The following LNX1 variants were observed in gnomAD, a reference collection of about 807,000 sequenced individuals.
The protein encoded by LNX1 is E3 ubiquitin-protein ligase LNX.
Under a neutral mutation model 68.4 loss-of-function variants are expected in LNX1, and 54 were observed. The observed-to-expected ratio is 0.79, with a 90% CI of 0.63 to 0.99. The LOEUF is 0.99. LNX1 is among the 50% of genes least tolerant of loss of function. The pLI is 0.00. For synonymous variants in LNX1, 336 were observed against 350.0 expected (o/e 0.96, Z 0.45); for missense variants, 906 against 926.4 (o/e 0.98, Z 0.29).
chr4:53,494,823 A>G (rs1281247277), intron 6 of LNX1, among the ~76,000 whole-genome samples: 1 of 152,234 alleles, frequency 6.6e-6, no homozygotes, highest in African/African-American at 2.4e-5. Flanking sequence ...TTCTTCCAAG[A>G]ATAAAGCTCA....
intron 2 of LNX1, among the ~76,000 whole-genome samples, chr4:53,569,548 A>T (rs1214048473): frequency 7.0e-6 from 1 of 141,952 alleles, no homozygotes; most frequent in African/African-American, 2.6e-5. Flanking sequence ...TAGACCTAAA[A>T]CCATAAAAAC....
chr4:53,611,500 T>C (rs1284628668), intron 2 of LNX1, among the ~76,000 whole-genome samples: 1 of 152,150 alleles, frequency 6.6e-6, no homozygotes, highest in Non-Finnish European at 1.5e-5. Context: ...TCTTAAAGTT[T>C]CTAGAGAAAA....
chr4:53,482,923 T>C (rs916573466), intron 6 of LNX1, among the ~76,000 whole-genome samples: 1 of 152,200 alleles, frequency 6.6e-6, no homozygotes, highest in African/African-American at 2.4e-5. Flanking sequence ...GAACTACCAG[T>C]TACTCTGCTA....
At chr4:53,633,294 T>C (rs1427914701) in intron 1 of LNX1, among the ~76,000 whole-genome samples, 4 of 152,152 alleles carry the variant, frequency 2.6e-5, no homozygotes, top group Non-Finnish European at 4.4e-5. Flanking sequence ...ACCACCCCCA[T>C]CCACGCATGG....
intron 4 of LNX1, 33 bp from the exon 5 acceptor site, chr4:53,498,876 C>T (rs1362455754): frequency 6.6e-7 from 1 of 1,518,890 alleles, no homozygotes; most frequent in Non-Finnish European, 9.1e-7. Context: ...ATTTAAGACA[C>T]CCACCCAATG....
chr4:53,468,121 C>G (rs1010326383), intron 9 of LNX1, among the ~76,000 whole-genome samples: 1 of 152,124 alleles, frequency 6.6e-6, no homozygotes, highest in Non-Finnish European at 1.5e-5. Flanking sequence ...AAGGGAAGCC[C>G]ATCAGACTAA....
At chr4:53,568,615 C>G (rs1472315034) in intron 2 of LNX1, among the ~76,000 whole-genome samples, 2 of 53,506 alleles carry the variant, frequency 3.7e-5, no homozygotes, top group African/African-American at 1.4e-4. Context: ...ACAGGGATGC[C>G]CTCTCTCACC....
chr4:53,508,940 T>TAA (rs5858217), intron 2 of LNX1, among the ~76,000 whole-genome samples: 147 of 151,302 alleles, frequency 9.7e-4, no homozygotes, highest in Middle Eastern at 3.4e-3. Flanking sequence ...ATCCATGCTA[T>TAA]AAAAAAAAAT....
upstream of LNX1, chr4:53,591,545 C>T: frequency 2.0e-6 from 2 of 985,466 alleles, no homozygotes; most frequent in African/African-American, 1.7e-5. Flanking sequence ...ATTGGTCGCT[C>T]CAGACCAGGA....
chr4:53,612,711 T>TA (rs1409652008), intron 2 of LNX1, among the ~76,000 whole-genome samples: 1 of 151,456 alleles, frequency 6.6e-6, no homozygotes, highest in Non-Finnish European at 1.5e-5. Context: ...TTGTATTTTT[T>TA]TTTTTTGTAG....
At chr4:53,630,092 G>A (rs1734213590) in intron 1 of LNX1, among the ~76,000 whole-genome samples, 3 of 151,840 alleles carry the variant, frequency 2.0e-5, no homozygotes, top group South Asian at 2.1e-4. Flanking sequence ...TTAAAAAAAG[G>A]TGGGGGGGGC....
upstream of LNX1, among the ~76,000 whole-genome samples, chr4:53,595,660 C>T (rs1225970456): frequency 7.2e-5 from 11 of 152,132 alleles, no homozygotes; most frequent in Admixed American, 3.9e-4. Flanking sequence ...GTTAACCAGC[C>T]GGCTCACTTG....
chr4:53,573,885 T>G lies in LNX1; in HGVS notation c.118A>C (p.Ile40Leu), dbSNP rs373232050. ...SYPEEVDDDL[I>L]CHICLQALLD... ...AAAGCCTGCAGGCAGATGTGGCAGATGAGGTCATCATCCACTTCCTCTGGA... is the reference window on the plus strand; with the variant it reads ...AAAGCCTGCAGGCAGATGTGGCAGAGGAGGTCATCATCCACTTCCTCTGGA... Residue 40 changes from isoleucine (I) to leucine (L), a missense_variant, in exon 2 of 11, where the codon ATC becomes CTC. Physicochemically the swap from Ile to Leu is conservative, Grantham distance 5. Transcript: ENST00000263925. The G allele has an allele frequency of 2.5e-6, 4 of 1,613,826 alleles. No homozygotes were observed. The South Asian group carries it at 4.4e-5, about 18-fold the overall frequency.
At chr4:53,600,468 C>T (rs1309946350) in intron 2 of LNX1, among the ~76,000 whole-genome samples, 1 of 152,030 alleles carries the variant, frequency 6.6e-6, no homozygotes, top group East Asian at 1.9e-4. Context: ...AGGGCAGGCC[C>T]TCAAAAACAC....
At chr4:53,649,446 C>A (rs1735011574) in intron 1 of LNX1, among the ~76,000 whole-genome samples, 1 of 152,228 alleles carries the variant, frequency 6.6e-6, no homozygotes, top group Admixed American at 6.5e-5. Flanking sequence ...TCTTAGGTCA[C>A]AGAACCAGGA....
At chr4:53,647,646 T>G (rs1327752688) in intron 1 of LNX1, among the ~76,000 whole-genome samples, 2 of 152,246 alleles carry the variant, frequency 1.3e-5, no homozygotes, top group Admixed American at 1.3e-4. Flanking sequence ...TCTTAACAAT[T>G]TTTAAGAGTA....
At chr4:53,564,769 G>A (rs934174219) in intron 2 of LNX1, among the ~76,000 whole-genome samples, 42 of 152,194 alleles carry the variant, frequency 2.8e-4, no homozygotes, top group Non-Finnish European at 4.7e-4. Context: ...GACAGTGGGC[G>A]CAGGTCAGTG....
intron 2 of LNX1, among the ~76,000 whole-genome samples, chr4:53,524,612 C>T (rs567358994): frequency 4.0e-4 from 61 of 152,280 alleles, no homozygotes; most frequent in African/African-American, 1.2e-3. Flanking sequence ...TTTAAGCCTA[C>T]GCTCTTTCTA....
At chr4:53,557,817 C>T in intron 2 of LNX1, 1 of 1,602,280 alleles carries the variant, frequency 6.2e-7, no homozygotes, top group Non-Finnish European at 8.5e-7. Flanking sequence ...GACTCGGGTC[C>T]CACCCCCAAC....
Sources: allele counts gnomAD v4.1 joint callset (sites outside exome capture counted in the v4.1 genomes callset), GRCh38; gene constraint gnomAD v4.1.1; transcripts MANE v1.5; gene names NCBI Gene and HGNC (gene_info 2026-07-23, HGNC 2026-07-21).